Variants in CENPW observed in about 807,000 individuals in gnomAD.
CENPW encodes cancer-up-regulated gene 2 protein.
A neutral mutation model predicts 11.1 loss-of-function variants in CENPW; 3 were observed. That is an observed-to-expected ratio of 0.27 (90% CI 0.12 to 0.70). CENPW has a LOEUF of 0.70. Among genes scored for constraint, CENPW ranks in the 30% least tolerant of loss-of-function variants. The probability of loss-of-function intolerance (pLI) is 0.77; values close to 1 mark genes in which losing one functional copy is unlikely to be tolerated. For missense variants in CENPW, 100 were observed against 105.6 expected, an observed-to-expected ratio of 0.95 and a Z score of 0.23; for synonymous variants, 38 against 42.0, an observed-to-expected ratio of 0.91 and a Z score of 0.37.
chr6:126,468,265 A>C, the CENPW span, among the ~76,000 whole-genome samples: 1 of 151,980 alleles, frequency 6.6e-6, no homozygotes, highest in African/African-American at 2.4e-5. Context: ...TACTAAAAAT[A>C]CAAAATTACC....
chr6:126,399,413 C>G, the CENPW span, among the ~76,000 whole-genome samples: 28 of 152,180 alleles, frequency 1.8e-4, no homozygotes, highest in Non-Finnish European at 3.2e-4. Flanking sequence ...AGTATTTCAC[C>G]AGGTATTGAC....
chr6:126,368,863 T>G, the CENPW span, among the ~76,000 whole-genome samples: 1 of 152,108 alleles, frequency 6.6e-6, no homozygotes, highest in African/African-American at 2.4e-5. Context: ...GCCAGGATGG[T>G]CTCAATCTCC....
the CENPW span, among the ~76,000 whole-genome samples, chr6:126,481,909 G>A: frequency 2.0e-5 from 3 of 151,998 alleles, no homozygotes; most frequent in African/African-American, 7.2e-5. Context: ...TTGCATTAAT[G>A]ACTAAAAATT....
At chr6:126,348,203 A>G (rs1168437539) in intron 2 of CENPW, among the ~76,000 whole-genome samples, 1 of 151,990 alleles carries the variant, frequency 6.6e-6, no homozygotes, top group Non-Finnish European at 1.5e-5. Flanking sequence ...AGAAATTAAC[A>G]TCTAGAGGTA....
chr6:126,470,001 C>G, the CENPW span, among the ~76,000 whole-genome samples: 1 of 152,106 alleles, frequency 6.6e-6, no homozygotes, highest in Non-Finnish European at 1.5e-5. Flanking sequence ...AAATTTGCAG[C>G]CTGACCATGA....
the CENPW span, among the ~76,000 whole-genome samples, chr6:126,417,878 A>G: frequency 6.6e-6 from 1 of 152,238 alleles, no homozygotes; most frequent in Admixed American, 6.5e-5. Context: ...TCTGTTAAAG[A>G]CATGTATCCA....
At chr6:126,477,827 AG>A in the CENPW span, among the ~76,000 whole-genome samples, 711 of 152,110 alleles carry the variant, frequency 4.7e-3, 9 homozygotes, top group East Asian at 0.032. Context: ...CTAAGCTTCT[AG>A]GTTCTAGAAC....
chr6:126,430,706 C>T, the CENPW span, among the ~76,000 whole-genome samples: 18 of 152,182 alleles, frequency 1.2e-4, no homozygotes, highest in East Asian at 3.3e-3. Flanking sequence ...AATCCCAGCA[C>T]TTTGGGAGGC....
chr6:126,378,935 T>G, the CENPW span, among the ~76,000 whole-genome samples: 1 of 152,186 alleles, frequency 6.6e-6, no homozygotes, highest in South Asian at 2.1e-4. Context: ...TTTAAAGAAT[T>G]TAACCTTCTA....
At chr6:126,467,655 T>A in the CENPW span, among the ~76,000 whole-genome samples, 3 of 152,108 alleles carry the variant, frequency 2.0e-5, no homozygotes, top group African/African-American at 2.4e-5. Context: ...AATAAATAAA[T>A]GTGGGAGATG....
chr6:126,436,322 C>T, the CENPW span, among the ~76,000 whole-genome samples: 1 of 151,714 alleles, frequency 6.6e-6, no homozygotes, highest in African/African-American at 2.4e-5. Flanking sequence ...TTCAGTCCAC[C>T]AGAGTTATTT....
chr6:126,475,368 A>T, the CENPW span, among the ~76,000 whole-genome samples: 4 of 152,038 alleles, frequency 2.6e-5, no homozygotes, highest in Non-Finnish European at 5.9e-5. Context: ...TGACTTTATC[A>T]AAACATCTCT....
the CENPW span, among the ~76,000 whole-genome samples, chr6:126,417,160 G>T: frequency 6.6e-6 from 1 of 152,206 alleles, no homozygotes; most frequent in Non-Finnish European, 1.5e-5. Flanking sequence ...TCATTTTGGA[G>T]CTTTAAGATT....
the CENPW span, among the ~76,000 whole-genome samples, chr6:126,372,653 T>C: frequency 2.0e-5 from 3 of 152,178 alleles, no homozygotes; most frequent in African/African-American, 4.8e-5. Flanking sequence ...TGCTGAAATA[T>C]TCCTGAAGGT....
chr6:126,385,664 C>T, the CENPW span, among the ~76,000 whole-genome samples: 1 of 151,960 alleles, frequency 6.6e-6, no homozygotes, highest in Admixed American at 6.6e-5. Context: ...GCCATTTTGC[C>T]CATGCTGTTC....
chr6:126,399,747 A>G, the CENPW span, among the ~76,000 whole-genome samples: 22 of 152,072 alleles, frequency 1.4e-4, no homozygotes, highest in African/African-American at 4.8e-4. Flanking sequence ...GGACAGCTCA[A>G]TGAATTTTGA....
chr6:126,415,331 CTTCT>C, the CENPW span, among the ~76,000 whole-genome samples: 5 of 152,132 alleles, frequency 3.3e-5, no homozygotes, highest in East Asian at 9.6e-4. Context: ...GACATCTTAG[CTTCT>C]TTATTTGTCC....
At chr6:126,446,255 G>T in the CENPW span, among the ~76,000 whole-genome samples, 2 of 151,012 alleles carry the variant, frequency 1.3e-5, no homozygotes, top group Non-Finnish European at 3.0e-5. Context: ...TGCTGCTGGA[G>T]ATATTATAAT....
chr6:126,359,577 A>C, the CENPW span, among the ~76,000 whole-genome samples: 4 of 152,064 alleles, frequency 2.6e-5, no homozygotes, highest in Non-Finnish European at 5.9e-5. Context: ...TAGGTCAAGA[A>C]CTTGTTTTTT....
Sources: allele counts gnomAD v4.1 joint callset (sites outside exome capture counted in the v4.1 genomes callset), GRCh38; gene constraint gnomAD v4.1.1; transcripts MANE v1.5; gene names NCBI Gene and HGNC (gene_info 2026-07-23, HGNC 2026-07-21).